Variants in NTM observed in about 807,000 individuals in gnomAD.
The protein encoded by NTM is neurotrimin, also known as IgLON family member 2.
NTM carries 13 observed loss-of-function variants against 42.1 expected under a neutral mutation model. The ratio of observed to expected loss-of-function variants is 0.31; its 90% CI spans 0.20 to 0.49. The LOEUF (loss-of-function observed/expected upper bound fraction) is 0.49. Among genes scored for constraint, NTM ranks in the 20% least tolerant of loss-of-function variants. The pLI, the probability that NTM is intolerant of heterozygous loss-of-function variation, is 0.99. For synonymous variants in NTM, 187 were observed against 179.2 expected (o/e 1.04, Z -0.35); for missense variants, 373 against 452.8 (o/e 0.82, Z 1.60).
At chr11:132,041,586 T>G (rs927359965) in intron 2 of NTM, among the ~76,000 whole-genome samples, 1 of 152,206 alleles carries the variant, frequency 6.6e-6, no homozygotes. Flanking sequence ...TGTCTCTCAG[T>G]GGGTATGAAC....
intron 1 of NTM, among the ~76,000 whole-genome samples, chr11:131,594,821 T>A (rs144929233): frequency 5.8e-4 from 88 of 152,212 alleles, no homozygotes; most frequent in African/African-American, 2.1e-3. Flanking sequence ...CCTAGAGAAG[T>A]TGACAGGGAG....
At chr11:131,468,866 A>G (rs1050455445) in intron 1 of NTM, among the ~76,000 whole-genome samples, 1 of 152,226 alleles carries the variant, frequency 6.6e-6, no homozygotes, top group Non-Finnish European at 1.5e-5. Flanking sequence ...TCACAGGGTG[A>G]AAAGGGGCAG....
At chr11:132,063,561 G>A (rs2081001286) in intron 2 of NTM, among the ~76,000 whole-genome samples, 2 of 152,310 alleles carry the variant, frequency 1.3e-5, no homozygotes, top group Non-Finnish European at 2.9e-5. Flanking sequence ...AGCCAGCAGA[G>A]CCTGAAAAGC....
At chr11:131,856,377 C>T (rs371133308) in intron 1 of NTM, among the ~76,000 whole-genome samples, 6 of 152,170 alleles carry the variant, frequency 3.9e-5, no homozygotes, top group East Asian at 1.9e-4. Flanking sequence ...AATTTTTCAA[C>T]GAATAATACT....
rs565213492 is a variant in NTM, at chr11:131,886,354, C to T, written c.83-25210C>T. Among the ~76,000 whole-genome samples, 6 of 152,336 alleles carry T rather than the reference C, an allele frequency of 3.9e-5. 1 individual carries two copies. Among genetic ancestry groups the T allele is most frequent in the African/African-American group, 1.4e-4 (6 of 41,574 alleles). Reference sequence around the variant, plus strand: ...TCTCTAATTCCTGTGGCTTCATCCTCCTCAATGAAATTCTCTGCCCAGGCA... The same window carrying T: ...TCTCTAATTCCTGTGGCTTCATCCTTCTCAATGAAATTCTCTGCCCAGGCA... On this transcript the variant is annotated intron_variant, in intron 1 of 8. Transcript: ENST00000683400.
chr11:132,320,940 C>G (rs55939334), intron 7 of NTM, among the ~76,000 whole-genome samples: 2 of 149,820 alleles, frequency 1.3e-5, no homozygotes, highest in African/African-American at 5.0e-5. Context: ...CTGCAGGGTA[C>G]TCCAACAGAC....
chr11:131,509,316 A>G (rs1233769154), intron 1 of NTM, among the ~76,000 whole-genome samples: 2 of 152,156 alleles, frequency 1.3e-5, no homozygotes, highest in African/African-American at 2.4e-5. Flanking sequence ...CTCACTCCCA[A>G]TAACTCCGCT....
intron 1 of NTM, among the ~76,000 whole-genome samples, chr11:131,538,921 C>CTTTTTT (rs58463755): frequency 0.063 from 6,442 of 101,934 alleles, 29 homozygotes; most frequent in Non-Finnish European, 0.097. Context: ...GTTAACTTAG[C>CTTTTTT]TTTTTTTTTT....
At chr11:131,494,644 T>C (rs117845675) in intron 1 of NTM, among the ~76,000 whole-genome samples, 32 of 152,310 alleles carry the variant, frequency 2.1e-4, no homozygotes, top group Non-Finnish European at 3.7e-4. Context: ...TGGCAAAATA[T>C]CTTGAATGAA....
chr11:131,746,027 T>C (rs544401496), intron 1 of NTM, among the ~76,000 whole-genome samples: 2 of 152,142 alleles, frequency 1.3e-5, no homozygotes, highest in African/African-American at 4.8e-5. Flanking sequence ...AACAGGGCCC[T>C]GTGAGGGGAG....
At chr11:132,078,900 A>G (rs1228612501) in intron 2 of NTM, among the ~76,000 whole-genome samples, 1 of 152,164 alleles carries the variant, frequency 6.6e-6, no homozygotes, top group Non-Finnish European at 1.5e-5. Flanking sequence ...CCAATTCTGA[A>G]TGGGATTTCA....
intron 1 of NTM, among the ~76,000 whole-genome samples, chr11:131,810,224 C>T (rs1253126766): frequency 6.6e-6 from 1 of 152,170 alleles, no homozygotes; most frequent in African/African-American, 2.4e-5. Flanking sequence ...CCTCCTCCCA[C>T]GTCATGAGAC....
At chr11:132,069,200 A>C (rs1190230232) in intron 2 of NTM, among the ~76,000 whole-genome samples, 96 of 144,156 alleles carry the variant, frequency 6.7e-4, no homozygotes, top group African/African-American at 2.0e-3. Flanking sequence ...TAACACGTCA[A>C]ACTGACCATC....
chr11:131,982,048 A>C (rs541828), intron 2 of NTM, among the ~76,000 whole-genome samples: 3 of 152,014 alleles, frequency 2.0e-5, no homozygotes, highest in Admixed American at 6.6e-5. Context: ...ACAAGCAAAC[A>C]AAAAAACCCA....
chr11:131,742,001 A>G (rs1297489346), intron 1 of NTM, among the ~76,000 whole-genome samples: 1 of 152,192 alleles, frequency 6.6e-6, no homozygotes, highest in East Asian at 1.9e-4. Flanking sequence ...GCATGTTTTC[A>G]CGTATGAGTA....
intron 1 of NTM, chr11:131,911,189 G>A (rs1312342211): frequency 7.4e-7 from 1 of 1,355,076 alleles, no homozygotes; most frequent in Non-Finnish European, 9.5e-7. Context: ...CACCTGCCGC[G>A]CGCTTCCCCC....
chr11:132,077,279 T>A (rs11222903), intron 2 of NTM, among the ~76,000 whole-genome samples: 21,798 of 152,244 alleles, frequency 0.14, 1,609 homozygotes, highest in South Asian at 0.19. Flanking sequence ...CAAACTTAGA[T>A]AATTAAACCT....
chr11:131,939,381 G>A (rs935035495), intron 2 of NTM, among the ~76,000 whole-genome samples: 5 of 148,392 alleles, frequency 3.4e-5, no homozygotes, highest in African/African-American at 1.2e-4. Flanking sequence ...ATAGCTTGAG[G>A]ATTTTGGCAA....
At position 131,383,088 on chromosome 11, in the gene NTM, T is replaced by C. The variant is rs1008160802; in HGVS notation, c.82+12200T>C. ...CCCCTGTGTCCATTGTTTAAATCCA[T>C]TGAGATTATTTTTCGATCCCGATGA... On this transcript the variant is annotated intron_variant, in intron 1 of 8. Transcript: ENST00000683400. 4.6e-5 allele frequency among the ~76,000 whole-genome samples: 7 copies of C among 152,204 alleles called. No individual in the cohort carries two copies. The East Asian group carries it at 5.8e-4, about 13-fold the overall frequency.
Sources: gnomAD v4.1 joint callset for allele counts (sites outside exome capture counted in the v4.1 genomes callset) on GRCh38, gnomAD v4.1.1 for gene constraint, MANE v1.5 for transcripts, NCBI Gene and HGNC (gene_info 2026-07-23, HGNC 2026-07-21) for gene names.